AGBL1: variants seen among roughly 807,000 people sequenced by gnomAD.
The protein encoded by AGBL1 is cytosolic carboxypeptidase 4.
A neutral mutation model predicts 118.9 loss-of-function variants in AGBL1; 130 were observed. The ratio of observed to expected loss-of-function variants is 1.09; its 90% confidence interval spans 0.95 to 1.26. The LOEUF (loss-of-function observed/expected upper bound fraction) is 1.26, where lower values mean the gene tolerates loss of function less well. Among genes scored for constraint, AGBL1 ranks in the 50% most tolerant of loss-of-function variants. AGBL1 has a pLI of 0.00. For missense variants in AGBL1, 1,584 were observed against 1,298.1 expected (o/e 1.22, Z -3.38); for synonymous variants, 555 against 478.9 (o/e 1.16, Z -2.08).
At chr15:86,457,369 C>T (rs1184414044) in intron 18 of AGBL1, among the ~76,000 whole-genome samples, 1 of 152,154 alleles carries the variant, frequency 6.6e-6, no homozygotes, top group Non-Finnish European at 1.5e-5. Flanking sequence ...AGGAGTTTCA[C>T]TCAACAGGTT....
intron 24 of AGBL1, among the ~76,000 whole-genome samples, chr15:86,991,224 A>C (rs958800610): frequency 5.3e-5 from 8 of 152,000 alleles, no homozygotes; most frequent in African/African-American, 1.2e-4. Context: ...TTTTCTTTTT[A>C]TTTTTTGTTC....
intron 23 of AGBL1, among the ~76,000 whole-genome samples, chr15:86,947,132 G>A (rs2080834402): frequency 6.6e-6 from 1 of 152,188 alleles, no homozygotes; most frequent in Non-Finnish European, 1.5e-5. Flanking sequence ...AATTTGAGAA[G>A]GGTGGTGGGA....
At chr15:86,509,869 A>G (rs1232693136) in intron 18 of AGBL1, among the ~76,000 whole-genome samples, 2 of 151,968 alleles carry the variant, frequency 1.3e-5, no homozygotes, top group Non-Finnish European at 2.9e-5. Context: ...AAACAAAACA[A>G]CATCTCTGAG....
intron 17 of AGBL1, 178 bp downstream of exon 17, chr15:86,295,586 C>G: frequency 2.0e-6 from 1 of 511,734 alleles, no homozygotes; most frequent in Non-Finnish European, 3.2e-6. Context: ...ATTAATGTTG[C>G]TTTGTTGTTA....
intron 6 of AGBL1, among the ~76,000 whole-genome samples, chr15:86,232,938 G>T (rs1271326544): frequency 6.6e-6 from 1 of 152,168 alleles, no homozygotes; most frequent in Non-Finnish European, 1.5e-5. Context: ...TAGAGTACCT[G>T]CACTGAATAA....
At chr15:86,721,135 C>T (rs867191828) in intron 22 of AGBL1, among the ~76,000 whole-genome samples, 79 of 152,282 alleles carry the variant, frequency 5.2e-4, no homozygotes, top group African/African-American at 1.8e-3. Context: ...GGGAATCCTC[C>T]CTAACTCATT....
chr15:86,837,328 ATTT>A (rs1371194682), intron 22 of AGBL1, among the ~76,000 whole-genome samples: 2 of 151,930 alleles, frequency 1.3e-5, no homozygotes, highest in African/African-American at 4.8e-5. Context: ...CTGGTCATTT[ATTT>A]TATTTGTTTA....
chr15:86,738,656 T>C (rs1038435942), intron 22 of AGBL1, among the ~76,000 whole-genome samples: 2 of 152,236 alleles, frequency 1.3e-5, no homozygotes, highest in Non-Finnish European at 2.9e-5. Context: ...TAGAATATTG[T>C]CTCATGTGAC....
At chr15:86,304,592 A>G (rs1201938620) in intron 17 of AGBL1, among the ~76,000 whole-genome samples, 1 of 152,196 alleles carries the variant, frequency 6.6e-6, no homozygotes, top group Non-Finnish European at 1.5e-5. Flanking sequence ...TTATTCAACA[A>G]GTAAGTGAAA....
chr15:86,182,471 T>C (rs1312514772), intron 5 of AGBL1, among the ~76,000 whole-genome samples: 1 of 152,150 alleles, frequency 6.6e-6, no homozygotes, highest in Non-Finnish European at 1.5e-5. Context: ...CTTTATATTC[T>C]TAGATTTATG....
intron 18 of AGBL1, among the ~76,000 whole-genome samples, chr15:86,516,039 A>G (rs1425289782): frequency 6.6e-6 from 1 of 152,214 alleles, no homozygotes; most frequent in East Asian, 1.9e-4. Flanking sequence ...GATAAGAGAC[A>G]AACAGTTGCA....
At chr15:86,555,354 G>A (rs2083719602) in intron 21 of AGBL1, among the ~76,000 whole-genome samples, 1 of 152,168 alleles carries the variant, frequency 6.6e-6, no homozygotes, top group African/African-American at 2.4e-5. Context: ...GGCTTTGATA[G>A]TCTCCTGGAA....
intron 23 of AGBL1, among the ~76,000 whole-genome samples, chr15:86,975,089 G>C (rs1260327330): frequency 6.6e-6 from 1 of 151,904 alleles, no homozygotes; most frequent in Admixed American, 6.6e-5. Context: ...CAACTTTCTG[G>C]AGCTTTTTTG....
intron 5 of AGBL1, among the ~76,000 whole-genome samples, chr15:86,214,128 C>A (rs765935114): frequency 1.3e-5 from 2 of 152,208 alleles, no homozygotes; most frequent in African/African-American, 4.8e-5. Context: ...TCAAACAGGA[C>A]AGATAACAGT....
At chr15:86,482,049 C>T (rs772644019) in intron 18 of AGBL1, among the ~76,000 whole-genome samples, 3 of 152,238 alleles carry the variant, frequency 2.0e-5, no homozygotes, top group South Asian at 2.1e-4. Context: ...CCTTACTCAT[C>T]GTTCACAGCT....
At chr15:86,325,639 A>G (rs939510145) in intron 17 of AGBL1, among the ~76,000 whole-genome samples, 2 of 152,284 alleles carry the variant, frequency 1.3e-5, no homozygotes, top group African/African-American at 4.8e-5. Context: ...AGCCCAATCA[A>G]TATCTGCCGG....
At chr15:86,987,095 G>T (rs560027708) in intron 23 of AGBL1, among the ~76,000 whole-genome samples, 2 of 152,076 alleles carry the variant, frequency 1.3e-5, no homozygotes, top group Admixed American at 1.3e-4. Context: ...GGCAAGGACC[G>T]GCCATTTTCA....
intron 15 of AGBL1, among the ~76,000 whole-genome samples, chr15:86,277,644 A>G (rs982360137): frequency 6.6e-6 from 1 of 152,182 alleles, no homozygotes; most frequent in Non-Finnish European, 1.5e-5. Flanking sequence ...ACTTTAGTGT[A>G]CTAATAGTGC....
chr15:86,872,750 C>T (rs867009409), intron 22 of AGBL1, among the ~76,000 whole-genome samples: 6 of 152,026 alleles, frequency 3.9e-5, no homozygotes, highest in East Asian at 3.9e-4. Flanking sequence ...AGTGAGACTC[C>T]GTCTATAAAT....
Sources: allele counts gnomAD v4.1 joint callset (sites outside exome capture counted in the v4.1 genomes callset), GRCh38; gene constraint gnomAD v4.1.1; transcripts MANE v1.5; gene names NCBI Gene and HGNC (gene_info 2026-07-23, HGNC 2026-07-21).